Variants in FGF10 observed in about 807,000 individuals in gnomAD.
FGF10 encodes fibroblast growth factor 10.
FGF10 carries 2 observed loss-of-function variants against 19.8 expected under a neutral mutation model. The ratio of observed to expected loss-of-function variants is 0.10; its 90% CI spans 0.04 to 0.32. The LOEUF (loss-of-function observed/expected upper bound fraction) is 0.32. Ranked by LOEUF, FGF10 falls within the 10% of genes least tolerant of loss-of-function variation. FGF10 has a pLI of 1.00. For missense variants in FGF10, 191 were observed against 246.3 expected, an observed-to-expected ratio of 0.78 and a Z score of 1.50; for synonymous variants, 112 against 94.0, an observed-to-expected ratio of 1.19 and a Z score of -1.10.
At chr5:44,306,362 A>C (rs1561195498) in intron 2 of FGF10, among the ~76,000 whole-genome samples, 1 of 152,236 alleles carries the variant, frequency 6.6e-6, no homozygotes, top group Non-Finnish European at 1.5e-5. Flanking sequence ...ATTCCACTGC[A>C]CTGCAGCCTG....
chr5:44,316,808 C>T (rs896649517), intron 1 of FGF10, among the ~76,000 whole-genome samples: 3 of 152,166 alleles, frequency 2.0e-5, no homozygotes, highest in Non-Finnish European at 4.4e-5. Context: ...AGATATACTG[C>T]ATTGTTGTTG....
chr5:44,380,359 C>G (rs1004748507), intron 1 of FGF10, among the ~76,000 whole-genome samples: 10 of 152,146 alleles, frequency 6.6e-5, no homozygotes, highest in Admixed American at 5.9e-4. Context: ...ATTCATCAAT[C>G]AGTGCCAAAA....
intron 1 of FGF10, among the ~76,000 whole-genome samples, chr5:44,379,138 A>G (rs1445550168): frequency 1.3e-5 from 2 of 152,134 alleles, no homozygotes; most frequent in African/African-American, 4.8e-5. Context: ...TCTTTGGGGT[A>G]GTTCCCAGTT....
At chr5:44,329,782 C>T (rs765657969) in intron 1 of FGF10, among the ~76,000 whole-genome samples, 5 of 152,166 alleles carry the variant, frequency 3.3e-5, no homozygotes, top group Non-Finnish European at 2.9e-5. Context: ...GCTCCCAACC[C>T]TTAAGCACGG....
intron 1 of FGF10, among the ~76,000 whole-genome samples, chr5:44,386,368 C>G (rs1302472972): frequency 1.3e-5 from 2 of 152,066 alleles, no homozygotes; most frequent in Non-Finnish European, 2.9e-5. Flanking sequence ...GGATAACACT[C>G]TGAAACTTTA....
Position 44,304,537 on chromosome 5 carries a change from C to T in FGF10, c.*458G>A, listed in dbSNP as rs1740029187. The stretch of plus-strand genomic sequence containing the variant: ...TTGTGCATATGATATGACCCAAGTG[C>T]TTTCCAGTAAATGCTTGCATGTATT... On this transcript the variant is annotated 3_prime_UTR_variant, in exon 3 of 3. Coordinates refer to ENST00000264664, the MANE Select transcript of FGF10 (RefSeq NM_004465.2). 1 of 184,376 alleles carries T rather than the reference C, an allele frequency of 5.4e-6. No individual in the cohort carries two copies. The highest frequency in any genetic ancestry group is 5.4e-5 in the Admixed American group (1 of 18,534). 11.4% of individuals were successfully genotyped at this position (184,376 alleles called of 1,614,324 possible).
At chr5:44,333,103 C>A (rs77429396) in intron 1 of FGF10, among the ~76,000 whole-genome samples, 2 of 146,400 alleles carry the variant, frequency 1.4e-5, no homozygotes, top group East Asian at 3.9e-4. Flanking sequence ...GAAGTCCTGA[C>A]CCCCCCCAAA....
At chr5:44,341,332 G>C (rs140979849) in intron 1 of FGF10, among the ~76,000 whole-genome samples, 363 of 151,892 alleles carry the variant, frequency 2.4e-3, no homozygotes, top group Middle Eastern at 6.8e-3. Context: ...ATACTTAGGA[G>C]CAAGAATGTA....
At chr5:44,316,522 T>G (rs1252212350) in intron 1 of FGF10, among the ~76,000 whole-genome samples, 1 of 152,318 alleles carries the variant, frequency 6.6e-6, no homozygotes, top group South Asian at 2.1e-4. Flanking sequence ...ATTCCTGGCA[T>G]ATTTCCAAAC....
At chr5:44,318,352 A>T (rs376356315) in intron 1 of FGF10, among the ~76,000 whole-genome samples, 3 of 152,324 alleles carry the variant, frequency 2.0e-5, no homozygotes, top group African/African-American at 7.2e-5. Flanking sequence ...ATAAAGTTTT[A>T]TGTAGCAATT....
Position 44,304,691 on chromosome 5 carries a change from A to G in FGF10, c.*304T>C. The G allele has an allele frequency of 2.7e-6, 1 of 368,036 alleles. No individual in the cohort carries two copies. 22.8% of individuals were successfully genotyped at this position (368,036 alleles called of 1,614,324 possible). On this transcript the variant is annotated 3_prime_UTR_variant, in exon 3 of 3. Coordinates refer to ENST00000264664, the MANE Select transcript of FGF10 (RefSeq NM_004465.2). ...CTATGTCCTTTAAGTTCTATCTCAG[A>G]GGTTTAAAAACAAAAACTTGACAAC... is the stretch of plus-strand genomic sequence containing the variant.
In FGF10 at chr5:44,377,544, C is replaced by T. The variant is rs77495068; in HGVS notation, c.325+10814G>A. ...ATAGTCATCAAATCTCCACGGTTAC[C>T]TATTTCGCTATTCTTTTTTTCTTTC... On this transcript the variant is annotated intron_variant, in intron 1 of 2. Coordinates refer to ENST00000264664, the MANE Select transcript of FGF10 (RefSeq NM_004465.2). Among the ~76,000 whole-genome samples the T allele has an allele frequency of 4.7e-4, 72 of 152,206 alleles. 1 individual carries two copies. The East Asian group carries it at 0.014, about 29-fold the overall frequency.
intron 1 of FGF10, among the ~76,000 whole-genome samples, chr5:44,317,811 A>G (rs374358518): frequency 6.6e-6 from 1 of 152,044 alleles, no homozygotes; most frequent in Non-Finnish European, 1.5e-5. Flanking sequence ...ATTACTTATC[A>G]ATATTGTAAT....
At chr5:44,361,985 T>A (rs1741492797) in intron 1 of FGF10, among the ~76,000 whole-genome samples, 1 of 151,702 alleles carries the variant, frequency 6.6e-6, no homozygotes, top group Admixed American at 6.6e-5. Flanking sequence ...ACAAATCTCA[T>A]GTCTTTATGC....
intron 1 of FGF10, among the ~76,000 whole-genome samples, chr5:44,358,689 C>T (rs1322863976): frequency 2.0e-5 from 3 of 151,436 alleles, no homozygotes; most frequent in African/African-American, 4.8e-5. Flanking sequence ...GGCTGTACCC[C>T]AGAAGAATCT....
chr5:44,349,422 TTATATATATATATATATATATATA>T (rs869035955), intron 1 of FGF10, among the ~76,000 whole-genome samples: 3 of 41,412 alleles, frequency 7.2e-5, no homozygotes, highest in African/African-American at 2.9e-4. Context: ...AGCATTTTCT[TTATATATATATATATATATATATA>T]TATATATATA....
At chr5:44,330,593 G>A (rs1378309910) in intron 1 of FGF10, among the ~76,000 whole-genome samples, 1 of 152,118 alleles carries the variant, frequency 6.6e-6, no homozygotes, top group Non-Finnish European at 1.5e-5. Context: ...ATTATAATGA[G>A]GGGAAAACAG....
In FGF10 at chr5:44,350,287, A is replaced by G. The variant is rs1437311139; in HGVS notation, c.325+38071T>C. 8.6e-5 allele frequency among the ~76,000 whole-genome samples: 13 copies of G among 150,998 alleles called. No individual in the cohort carries two copies. In the Admixed American group the frequency reaches 8.6e-4, roughly 10 times the overall value. ...TAATACATATGAATATTTTAATGAT[A>G]TGAAAAAGTATCCATGAGAAAAGCC... On this transcript the variant is annotated intron_variant, in intron 1 of 2. Coordinates refer to ENST00000264664, the MANE Select transcript of FGF10 (RefSeq NM_004465.2).
chr5:44,353,187 C>CA (rs1741273547), intron 1 of FGF10, among the ~76,000 whole-genome samples: 1 of 151,556 alleles, frequency 6.6e-6, no homozygotes, highest in African/African-American at 2.4e-5. Context: ...ATTAGATTCC[C>CA]AATGCATAGT....
Sources: allele counts gnomAD v4.1 joint callset (sites outside exome capture counted in the v4.1 genomes callset), GRCh38; gene constraint gnomAD v4.1.1; transcripts MANE v1.5; gene names NCBI Gene and HGNC (gene_info 2026-07-23, HGNC 2026-07-21).